The following GJC1 variants were observed in gnomAD, a reference collection of about 807,000 sequenced individuals.
GJC1 encodes the protein gap junction protein gamma 1.
Under a neutral mutation model 29.3 loss-of-function variants are expected in GJC1, and 5 were observed. The observed-to-expected ratio is 0.17, with a 90% CI of 0.09 to 0.36. The LOEUF (loss-of-function observed/expected upper bound fraction) is 0.36, where lower values mean the gene tolerates loss of function less well. Ranked by LOEUF, GJC1 falls within the 10% of genes least tolerant of loss-of-function variation. The pLI, the probability that GJC1 is intolerant of heterozygous loss-of-function variation, is 1.00. For missense variants in GJC1, 310 were observed against 496.2 expected, an observed-to-expected ratio of 0.62 and a Z score of 3.56; for synonymous variants, 177 against 183.3, an observed-to-expected ratio of 0.97 and a Z score of 0.28.
intron 1 of GJC1, among the ~76,000 whole-genome samples, chr17:44,814,804 G>A (rs1328726661): frequency 1.3e-5 from 2 of 152,126 alleles, no homozygotes; most frequent in African/African-American, 2.4e-5. Flanking sequence ...TTAGCTGGGC[G>A]TGGTGGCATG....
At chr17:44,816,063 A>T (rs1471730386) in intron 1 of GJC1, among the ~76,000 whole-genome samples, 1 of 138,674 alleles carries the variant, frequency 7.2e-6, no homozygotes, top group East Asian at 2.4e-4. Flanking sequence ...CAGTGAGCCG[A>T]GATCGTGCCA....
At chr17:44,823,256 T>TG (rs1246575262) in intron 1 of GJC1, among the ~76,000 whole-genome samples, 26 of 148,362 alleles carry the variant, frequency 1.8e-4, no homozygotes, top group African/African-American at 6.6e-4. Flanking sequence ...CTGTTTTTTT[T>TG]TTTTTTTTTT....
At chr17:44,819,987 A>T (rs2050090685) in intron 1 of GJC1, among the ~76,000 whole-genome samples, 1 of 152,008 alleles carries the variant, frequency 6.6e-6, no homozygotes, top group African/African-American at 2.4e-5. Flanking sequence ...CCTCCCAAGT[A>T]GCCAGGATTA....
upstream of GJC1, chr17:44,830,904 A>G (rs747144539): frequency 1.9e-4 from 75 of 388,068 alleles, no homozygotes; most frequent in Non-Finnish European, 2.9e-4. The surrounding 1 kb of genome is among the most constrained non-coding windows in gnomAD (Gnocchi z 4.3). Flanking sequence ...GCAGGATCCC[A>G]TTCAGAGGAC....
intron 1 of GJC1, among the ~76,000 whole-genome samples, chr17:44,828,342 C>T (rs1002769844): frequency 2.0e-5 from 3 of 152,132 alleles, no homozygotes; most frequent in Non-Finnish European, 2.9e-5. Flanking sequence ...TTTAAGAGAA[C>T]TGTTTCTGGT....
At chr17:44,818,621 T>G (rs2050070378) in intron 1 of GJC1, among the ~76,000 whole-genome samples, 1 of 149,164 alleles carries the variant, frequency 6.7e-6, no homozygotes, top group African/African-American at 2.5e-5. Context: ...GCCAACATGG[T>G]GAAACCCAGT....
At chr17:44,829,804 G>A (rs2050211378) in intron 1 of GJC1, 3 of 152,038 alleles carry the variant, frequency 2.0e-5, no homozygotes, top group Admixed American at 2.0e-4. Context: ...CTCCCGATTT[G>A]GGAGCCGCGC....
At chr17:44,817,687 G>A (rs1465516778) in intron 1 of GJC1, among the ~76,000 whole-genome samples, 2 of 151,796 alleles carry the variant, frequency 1.3e-5, no homozygotes, top group African/African-American at 4.8e-5. Flanking sequence ...TCCAGCCTGG[G>A]CAACAAGAGT....
At chr17:44,820,003 G>A (rs1051368421) in intron 1 of GJC1, among the ~76,000 whole-genome samples, 17 of 152,066 alleles carry the variant, frequency 1.1e-4, no homozygotes, top group African/African-American at 3.1e-4. Flanking sequence ...GATTACAGGC[G>A]TGTGCCACCA....
chr17:44,796,548 CT>C (rs1478045991), downstream of GJC1, among the ~76,000 whole-genome samples: 1 of 152,130 alleles, frequency 6.6e-6, no homozygotes, highest in Non-Finnish European at 1.5e-5. Context: ...TCTCTTTCCC[CT>C]TTTATTTTGG....
At position 44,804,712 on chromosome 17, in the gene GJC1, T is replaced by G; in HGVS notation, c.1106A>C (p.Lys369Thr). ...QNNPHGPREK[K>T]AKVGSKAGSN... Reference sequence around the variant, plus strand: ...CCCAGCTTTGGACCCCACTTTGGCCTTCTTCTCCCGGGGACCATGAGGGTT... The same window carrying G: ...CCCAGCTTTGGACCCCACTTTGGCCGTCTTCTCCCGGGGACCATGAGGGTT... The change falls in exon 3 of 3, where the codon AAG (lysine) becomes ACG (threonine). Residue 369 changes from lysine (K) to threonine (T), a missense_variant. Lys to Thr is a moderately conservative substitution (Grantham distance 78). Coordinates refer to ENST00000592524, the MANE Select transcript of GJC1 (RefSeq NM_005497.4). 6.2e-7 allele frequency: 1 copy of G among 1,614,228 alleles called. No individual in the cohort carries two copies. Among genetic ancestry groups the G allele is most frequent in the South Asian group, 1.1e-5 (1 of 91,082 alleles).
At chr17:44,828,581 T>A (rs2050199152) in intron 1 of GJC1, among the ~76,000 whole-genome samples, 1 of 152,198 alleles carries the variant, frequency 6.6e-6, no homozygotes, top group African/African-American at 2.4e-5. Context: ...AAAACTAAGA[T>A]CTGTTTATTG....
intron 1 of GJC1, among the ~76,000 whole-genome samples, chr17:44,809,240 G>A (rs1343254145): frequency 2.0e-5 from 3 of 152,302 alleles, no homozygotes; most frequent in South Asian, 4.1e-4. Flanking sequence ...CTGCCTGGGC[G>A]AGAGAGGGAG....
chr17:44,827,282 C>G (rs942220468), intron 1 of GJC1, among the ~76,000 whole-genome samples: 2 of 151,846 alleles, frequency 1.3e-5, no homozygotes, highest in Admixed American at 6.6e-5. Context: ...TGCAGTGAGA[C>G]AAGATAGCAC....
rs756205702 is a variant in GJC1 at position 44,800,636 on chromosome 17, C to A, written c.*3991G>T. On this transcript the variant is annotated 3_prime_UTR_variant, in exon 3 of 3. Transcript: ENST00000592524. ...AGTAAATCATGAGTGTAACTGATAACATGTAAGTCCATTCTTCGTATAAAC... is the reference window on the plus strand; with the variant it reads ...AGTAAATCATGAGTGTAACTGATAAAATGTAAGTCCATTCTTCGTATAAAC... The A allele has an allele frequency of 6.6e-6, 1 of 152,098 alleles. No individual in the cohort carries two copies. The highest frequency in any genetic ancestry group is 1.5e-5 in the Non-Finnish European group (1 of 68,022). The allele number at this position is 152,098 out of a possible 1,614,324, so 9.4% of individuals were successfully genotyped here. A position where few individuals can be genotyped will look rare whatever the true frequency, so the allele number is the denominator to read the frequency against.
chr17:44,805,813 C>T lies in GJC1; in HGVS notation c.5G>A (p.Ser2Asn). The T allele has an allele frequency of 1.9e-6, 3 of 1,593,226 alleles. No individual in the cohort carries two copies. Among genetic ancestry groups the T allele is most frequent in the Non-Finnish European group, 2.6e-6 (3 of 1,163,734 alleles). ...TAGCAGGCGAGTCAGGAAGCTCCAA[C>T]TCATGGTGATTGAATTGGTATGCCC... The part of the protein sequence containing the change: M[S>N]WSFLTRLLEE... The change falls in exon 3 of 3, where the codon AGT becomes AAT. Residue 2 changes from serine to asparagine, a missense_variant. Around this residue, in one of 4 missense-constraint regions of GJC1, gnomAD observed 37 missense variants for 104.2 expected, o/e 0.35. Coordinates refer to ENST00000592524, the MANE Select transcript of GJC1 (RefSeq NM_005497.4). The surrounding 1 kb of genome is among the most constrained non-coding windows in gnomAD (Gnocchi z 5.1).
At chr17:44,828,398 G>A (rs1367070291) in intron 1 of GJC1, among the ~76,000 whole-genome samples, 1 of 152,138 alleles carries the variant, frequency 6.6e-6, no homozygotes, top group African/African-American at 2.4e-5. Context: ...TAAAAGTGCT[G>A]GCTTTTGAAG....
intron 1 of GJC1, among the ~76,000 whole-genome samples, chr17:44,821,866 T>C (rs948754151): frequency 6.6e-6 from 1 of 151,756 alleles, no homozygotes; most frequent in African/African-American, 2.4e-5. Flanking sequence ...CATTTAGTAA[T>C]TTACCCTAAA....
At chr17:44,822,841 T>C (rs2050128331) in intron 1 of GJC1, among the ~76,000 whole-genome samples, 1 of 151,998 alleles carries the variant, frequency 6.6e-6, no homozygotes, top group Non-Finnish European at 1.5e-5. Flanking sequence ...AAAAGAGGTC[T>C]GGCTACAGAT....
Sources: allele counts gnomAD v4.1 joint callset (sites outside exome capture counted in the v4.1 genomes callset), GRCh38; gene constraint gnomAD v4.1.1; regional missense constraint gnomAD v4.1.1; non-coding constraint Gnocchi (gnomAD v3.1); transcripts MANE v1.5; gene names NCBI Gene and HGNC (gene_info 2026-07-23, HGNC 2026-07-21).